TUT4: variants seen among roughly 807,000 people sequenced by gnomAD.
TUT4 encodes the protein terminal uridylyl transferase 4.
Under a neutral mutation model 192.2 loss-of-function variants are expected in TUT4, and 36 were observed. That is an observed-to-expected ratio of 0.19 (90% confidence interval 0.14 to 0.25). The LOEUF is 0.25. TUT4 is among the 10% of genes least tolerant of loss of function. The probability of loss-of-function intolerance (pLI) is 1.00; values close to 1 mark genes in which losing one functional copy is unlikely to be tolerated. For missense variants in TUT4, 1,493 were observed against 1,957.2 expected (o/e 0.76, Z 4.47); for synonymous variants, 618 against 666.0 (o/e 0.93, Z 1.11).
chr1:52,475,179 C>T lies in TUT4; in HGVS notation c.2380G>A (p.Gly794Arg), dbSNP rs371047421. The T allele has an allele frequency of 1.9e-6, 3 of 1,613,896 alleles. No homozygotes were observed. Among genetic ancestry groups the T allele is most frequent in the Admixed American group, 3.3e-5 (2 of 59,990 alleles). ...GTAGAAAGAGATGAAGAGTCCTGTC[C>T]GTGGTCAGCAAAATCTAGTTCATTT... is the stretch of plus-strand genomic sequence containing the variant. ...LVNELDFADH[G>R]QDSSSLSTSK... Residue 794 changes from glycine to arginine, a missense_variant, in exon 13 of 30, where the codon GGA becomes AGA. By Grantham distance (125) the Gly-to-Arg change is moderately radical. Transcript: ENST00000257177.
At chr1:52,510,094 T>C (rs1253152962) in intron 3 of TUT4, among the ~76,000 whole-genome samples, 1 of 151,986 alleles carries the variant, frequency 6.6e-6, no homozygotes, top group Non-Finnish European at 1.5e-5. Context: ...GGCAGATCAC[T>C]TGAGCTCAGG....
chr1:52,535,479 T>G (rs1238602755), intron 1 of TUT4, among the ~76,000 whole-genome samples: 3 of 152,198 alleles, frequency 2.0e-5, no homozygotes, highest in East Asian at 3.8e-4. Flanking sequence ...TTTCTCAAAC[T>G]TTTTTCTGCC....
At chr1:52,467,375 C>A (rs1664510935) in intron 15 of TUT4, among the ~76,000 whole-genome samples, 1 of 152,146 alleles carries the variant, frequency 6.6e-6, no homozygotes, top group South Asian at 2.1e-4. Flanking sequence ...TTATATAGGA[C>A]CACCTACTGT....
chr1:52,473,685 T>A lies in TUT4; in HGVS notation c.2727+1147A>T, dbSNP rs551827315. 1.8e-4 allele frequency among the ~76,000 whole-genome samples: 27 copies of A among 152,298 alleles called. No individual in the cohort carries two copies. The South Asian group carries it at 5.6e-3, about 32-fold the overall frequency. The stretch of plus-strand genomic sequence containing the variant: ...ATAAAACAATAAGCCTGGATAAGGC[T>A]AGATGACTTTCCTTTTGTTTTTTTT... On this transcript the variant is annotated intron_variant, in intron 13 of 29. Transcript: ENST00000257177.
chr1:52,503,486 C>T (rs1031314388), intron 4 of TUT4, among the ~76,000 whole-genome samples: 8 of 152,010 alleles, frequency 5.3e-5, no homozygotes, highest in Non-Finnish European at 8.8e-5. Context: ...TTTCCTTATC[C>T]CTTCTCACTC....
intron 20 of TUT4, among the ~76,000 whole-genome samples, chr1:52,448,191 G>C (rs1658157929): frequency 6.6e-6 from 1 of 152,188 alleles, no homozygotes; most frequent in Non-Finnish European, 1.5e-5. Context: ...AGCTTCCAGG[G>C]ACTAGGGCTA....
intron 24 of TUT4, among the ~76,000 whole-genome samples, chr1:52,438,876 C>A (rs1570252214): frequency 6.6e-6 from 1 of 152,110 alleles, no homozygotes; most frequent in African/African-American, 2.4e-5. Context: ...TCGAGACCAG[C>A]CTGGCCAACA....
chr1:52,491,580 C>T (rs1194450192), intron 7 of TUT4, among the ~76,000 whole-genome samples: 4 of 151,996 alleles, frequency 2.6e-5, no homozygotes, highest in African/African-American at 9.7e-5. Context: ...CCCAGCTACT[C>T]GGGAGGCTGA....
chr1:52,476,158 AAT>A (rs1190412595), intron 12 of TUT4, among the ~76,000 whole-genome samples: 1 of 152,084 alleles, frequency 6.6e-6, no homozygotes, highest in African/African-American at 2.4e-5. Context: ...AGTGTTTTTT[AAT>A]ATAGTTATAT....
At chr1:52,432,437 G>C (rs1218382745) in intron 27 of TUT4, 1 of 152,148 alleles carries the variant, frequency 6.6e-6, no homozygotes, top group African/African-American at 2.4e-5. Context: ...ATAATGGCAG[G>C]GGAATGGCCG....
At chr1:52,429,874 G>A (rs2148122305) in intron 28 of TUT4, among the ~76,000 whole-genome samples, 1 of 152,210 alleles carries the variant, frequency 6.6e-6, no homozygotes, top group South Asian at 2.1e-4. Flanking sequence ...GATTACAGGT[G>A]TAAGCCACAG....
intron 1 of TUT4, among the ~76,000 whole-genome samples, chr1:52,531,885 C>CTT (rs1158088077): frequency 0.012 from 959 of 80,808 alleles, 152 homozygotes; most frequent in African/African-American, 0.034. Flanking sequence ...CTTTTCTCAT[C>CTT]TTTTTTTTTT....
Position 52,509,708 on chromosome 1 carries a change from G to A in TUT4, c.887C>T (p.Ser296Leu), listed in dbSNP as rs1676575286. ...RDHIFRLEKR[S>L]PEYTNCRYLC... is the part of the protein sequence containing the mutation. ...ATACCGACAATTGGTATATTCTGGTGATCGCTGAAGAGACAAATTTTAAAA... is the reference window on the plus strand; with the variant it reads ...ATACCGACAATTGGTATATTCTGGTAATCGCTGAAGAGACAAATTTTAAAA... The change falls in exon 4 of 30, where the codon TCA (serine) becomes TTA (leucine). Residue 296 changes from serine (S) to leucine (L), a missense_variant. Around this residue, in one of 7 missense-constraint regions of TUT4, gnomAD observed 437 missense variants for 577.6 expected, o/e 0.76. Coordinates refer to ENST00000257177, the MANE Select transcript of TUT4 (RefSeq NM_001009881.3). 1 of 1,588,408 alleles carries A rather than the reference G, an allele frequency of 6.3e-7. No homozygotes were observed. The highest frequency in any genetic ancestry group is 1.3e-5 in the African/African-American group (1 of 74,294).
upstream of TUT4, chr1:52,553,100 G>C (rs1002558975): frequency 1.3e-5 from 2 of 154,168 alleles, no homozygotes; most frequent in Non-Finnish European, 2.9e-5. Context: ...ACTGCATTGT[G>C]GGGGGGAAGG....
intron 1 of TUT4, among the ~76,000 whole-genome samples, chr1:52,533,016 T>C (rs897735507): frequency 1.3e-5 from 2 of 152,220 alleles, no homozygotes; most frequent in African/African-American, 4.8e-5. Context: ...AACTTTTGTG[T>C]ATAGGAATAA....
intron 1 of TUT4, among the ~76,000 whole-genome samples, chr1:52,532,603 G>A (rs1043235757): frequency 1.3e-5 from 2 of 152,134 alleles, no homozygotes; most frequent in African/African-American, 4.8e-5. Context: ...GAGCTACCAT[G>A]CCCGGCCTTA....
chr1:52,540,718 C>T (rs1032170779), intron 1 of TUT4, among the ~76,000 whole-genome samples: 2 of 152,094 alleles, frequency 1.3e-5, no homozygotes, highest in African/African-American at 4.8e-5. Flanking sequence ...AGAAACATGA[C>T]TCCCAATTTT....
At chr1:52,470,191 A>C (rs1390758576) in intron 14 of TUT4, among the ~76,000 whole-genome samples, 1 of 151,936 alleles carries the variant, frequency 6.6e-6, no homozygotes, top group African/African-American at 2.4e-5. Flanking sequence ...CCAAACAAAC[A>C]AAAAAAACCA....
In TUT4 at chr1:52,481,593, T is replaced by C; in HGVS notation, c.1678A>G (p.Lys560Glu). The C allele has an allele frequency of 6.2e-7, 1 of 1,613,670 alleles. No individual in the cohort carries two copies. Among genetic ancestry groups the C allele is most frequent in the South Asian group, 1.1e-5 (1 of 91,064 alleles). ...ACAAACTTCTCTTCTACTATGCCCT[T>C]CAGCTGAAAGTCATCCATTCTTTTT... is the stretch of plus-strand genomic sequence containing the variant. ...DPKRMDDFQLKGIVEEKFVKW... is the reference protein window; with the variant it reads ...DPKRMDDFQLEGIVEEKFVKW... Residue 560 changes from lysine to glutamate, a missense_variant, in exon 11 of 30, where the codon AAG (lysine) becomes GAG (glutamate). Around this residue, in one of 7 missense-constraint regions of TUT4, gnomAD observed 437 missense variants for 577.6 expected, o/e 0.76. Transcript: ENST00000257177.
Sources: allele counts gnomAD v4.1 joint callset (sites outside exome capture counted in the v4.1 genomes callset), GRCh38; gene constraint gnomAD v4.1.1; regional missense constraint gnomAD v4.1.1; transcripts MANE v1.5; gene names NCBI Gene and HGNC (gene_info 2026-07-23, HGNC 2026-07-21).